CDH8: variants seen among roughly 807,000 people sequenced by gnomAD.
CDH8 encodes the protein cadherin-8.
CDH8 carries 17 observed loss-of-function variants against 68.1 expected under a neutral mutation model. The ratio of observed to expected loss-of-function variants is 0.25; its 90% confidence interval spans 0.17 to 0.37. The LOEUF is 0.37. Ranked by LOEUF, CDH8 falls within the 10% of genes least tolerant of loss-of-function variation. The pLI is 1.00. For synonymous variants in CDH8, 372 were observed against 365.1 expected (o/e 1.02, Z -0.21); for missense variants, 763 against 999.3 (o/e 0.76, Z 3.19).
intron 7 of CDH8, among the ~76,000 whole-genome samples, chr16:61,792,797 A>G (rs1359086578): frequency 6.6e-6 from 1 of 151,906 alleles, no homozygotes; most frequent in Non-Finnish European, 1.5e-5. Flanking sequence ...ACATGAGATG[A>G]TAGGTGTGCC....
At chr16:61,995,637 A>G (rs575642844) in intron 2 of CDH8, among the ~76,000 whole-genome samples, 3 of 152,286 alleles carry the variant, frequency 2.0e-5, no homozygotes, top group East Asian at 3.9e-4. Context: ...TTGGCCTCCC[A>G]AAGTGCTGGG....
At chr16:61,931,780 A>G (rs1179769794) in intron 2 of CDH8, among the ~76,000 whole-genome samples, 1 of 152,224 alleles carries the variant, frequency 6.6e-6, no homozygotes, top group Non-Finnish European at 1.5e-5. Flanking sequence ...TACCCTTAAA[A>G]CATCTATAAT....
intron 3 of CDH8, among the ~76,000 whole-genome samples, chr16:61,868,790 G>A (rs1051243983): frequency 1.3e-5 from 2 of 152,184 alleles, no homozygotes; most frequent in Non-Finnish European, 2.9e-5. Flanking sequence ...CATGCTTAGA[G>A]AGAGTTGTTT....
chr16:61,653,914 C>T lies in CDH8; in HGVS notation c.2094G>A (p.Lys698=), dbSNP rs866092600. 1.2e-6 allele frequency: 2 copies of T among 1,614,060 alleles called. No individual in the cohort carries two copies. Among genetic ancestry groups the T allele is most frequent in the Admixed American group, 1.7e-5 (1 of 59,996 alleles). The change falls in exon 12 of 12, where the codon AAG becomes AAA. Residue 698 remains lysine (K), a synonymous_variant. Coordinates refer to ENST00000577390, the MANE Select transcript of CDH8 (RefSeq NM_001796.5). ...PDGINGFLPR[K]DIKPDLQFMP... is the part of the protein sequence containing the mutation. ...TAAACTGCAAATCTGGTTTAATATC[C>T]TTACGGGGTAAAAATCCATTAATTC...
chr16:61,796,141 A>G (rs1347712944), intron 7 of CDH8, among the ~76,000 whole-genome samples: 1 of 152,038 alleles, frequency 6.6e-6, no homozygotes, highest in African/African-American at 2.4e-5. Flanking sequence ...AAGGGAATAG[A>G]TGGGAGAGAA....
rs1964011991 is a variant in CDH8, at chr16:61,681,530, A to G, written c.1655-25809T>C. On this transcript the variant is annotated intron_variant, in intron 10 of 11. Coordinates refer to ENST00000577390, the MANE Select transcript of CDH8 (RefSeq NM_001796.5). Reference sequence around the variant, plus strand: ...TGTCTGCAGCTCGTGGTGTAAACAGAAAGTGACTGAAAATGAGCAAGAAGG... The same window carrying G: ...TGTCTGCAGCTCGTGGTGTAAACAGGAAGTGACTGAAAATGAGCAAGAAGG... Among the ~76,000 whole-genome samples the G allele has an allele frequency of 5.3e-5, 8 of 151,668 alleles. No individual in the cohort carries two copies. The South Asian group carries it at 1.2e-3, about 24-fold the overall frequency.
chr16:61,972,571 G>GGGGGGTGTGT (rs369833002), intron 2 of CDH8, among the ~76,000 whole-genome samples: 102 of 131,552 alleles, frequency 7.8e-4, no homozygotes, highest in African/African-American at 2.6e-3. Flanking sequence ...ACACATTGTG[G>GGGGGGTGTGT]GTGTGTGTGT....
intron 8 of CDH8, among the ~76,000 whole-genome samples, chr16:61,762,895 C>T (rs1177190336): frequency 1.3e-5 from 2 of 152,108 alleles, no homozygotes; most frequent in South Asian, 2.1e-4. Flanking sequence ...AACAAGATCA[C>T]CAGGTAATTC....
intron 4 of CDH8, among the ~76,000 whole-genome samples, chr16:61,850,131 A>T (rs78605849): frequency 0.012 from 1,800 of 152,182 alleles, 34 homozygotes; most frequent in African/African-American, 0.041. Flanking sequence ...ATGGTTCTGC[A>T]AGCTCTACAA....
chr16:61,857,290 C>A lies in CDH8; in HGVS notation c.548-52G>T, dbSNP rs780488999. Reference sequence around the variant, plus strand: ...TAATAATTAACACATTGTCCTTTGCCAAGAGCTACATTTTGTCAAGTATTT... The same window carrying A: ...TAATAATTAACACATTGTCCTTTGCAAAGAGCTACATTTTGTCAAGTATTT... On this transcript the variant is annotated intron_variant, in intron 3 of 11. Transcript: ENST00000577390. 1.2e-5 allele frequency: 18 copies of A among 1,489,080 alleles called. No individual in the cohort carries two copies. The South Asian group carries it at 1.9e-4, about 15-fold the overall frequency. The allele number at this position is 1,489,080 out of a possible 1,614,324, so 92.2% of individuals were successfully genotyped here. A position where few individuals can be genotyped will look rare whatever the true frequency, so the allele number is the denominator to read the frequency against.
intron 8 of CDH8, among the ~76,000 whole-genome samples, chr16:61,783,814 G>C (rs1257531425): frequency 3.3e-5 from 5 of 152,156 alleles, no homozygotes; most frequent in Non-Finnish European, 7.3e-5. Flanking sequence ...TTTCAACCCA[G>C]AATTTCATGT....
chr16:61,653,786 T>C lies in CDH8; in HGVS notation c.2222A>G (p.Tyr741Cys). ...ATAGCCATATATCTGAATGGAGTCA[T>C]ATGGCGGGGCCGTGGGATCATTATC... ...EADNDPTAPP[Y>C]DSIQIYGYEG... The change falls in exon 12 of 12, where the codon TAT (tyrosine) becomes TGT (cysteine). Residue 741 changes from tyrosine (Y) to cysteine (C), a missense_variant. By Grantham distance (194) the Tyr-to-Cys change is radical. This residue lies in a region of CDH8 where 397 missense variants were observed against 436.2 expected (regional missense o/e 0.91). Transcript: ENST00000577390. The C allele has an allele frequency of 6.2e-7, 1 of 1,614,218 alleles. No homozygotes were observed. Among genetic ancestry groups the C allele is most frequent in the Non-Finnish European group, 8.5e-7 (1 of 1,180,046 alleles).
intron 3 of CDH8, among the ~76,000 whole-genome samples, chr16:61,886,335 T>A (rs1963672210): frequency 6.6e-6 from 1 of 152,198 alleles, no homozygotes; most frequent in Non-Finnish European, 1.5e-5. Flanking sequence ...ATATAAATAT[T>A]TGTTATCTTT....
intron 2 of CDH8, among the ~76,000 whole-genome samples, chr16:61,958,135 G>A (rs1334053997): frequency 6.6e-6 from 1 of 152,134 alleles, no homozygotes; most frequent in East Asian, 1.9e-4. Flanking sequence ...AAACCCTGTG[G>A]ATGATTAGCA....
chr16:61,673,940 C>T (rs979017650), intron 10 of CDH8, among the ~76,000 whole-genome samples: 3 of 152,092 alleles, frequency 2.0e-5, no homozygotes, highest in Non-Finnish European at 4.4e-5. Context: ...TACCAAGCTA[C>T]ACACATATAG....
chr16:61,724,268 T>C lies in CDH8; in HGVS notation c.1536+2826A>G, dbSNP rs187730609. On this transcript the variant is annotated intron_variant, in intron 9 of 11. Coordinates refer to ENST00000577390, the MANE Select transcript of CDH8 (RefSeq NM_001796.5). ...CTAGACCTATTTTAGCTCAGGTATA[T>C]CATGAACTGGAGATAACTGCCTAGA... 3.3e-5 allele frequency among the ~76,000 whole-genome samples: 5 copies of C among 150,880 alleles called. No homozygotes were observed. In the Admixed American group the frequency reaches 3.3e-4, roughly 10 times the overall value.
chr16:61,749,776 C>T (rs1423287638), intron 8 of CDH8, among the ~76,000 whole-genome samples: 1 of 152,056 alleles, frequency 6.6e-6, no homozygotes, highest in African/African-American at 2.4e-5. Context: ...GATCCTGATA[C>T]CTCTGTGTCT....
chr16:61,658,966 T>C (rs990373882), intron 10 of CDH8, among the ~76,000 whole-genome samples: 1 of 152,290 alleles, frequency 6.6e-6, no homozygotes, highest in East Asian at 1.9e-4. Context: ...TAGTTTATTG[T>C]GATAGTAAAC....
At chr16:61,851,501 T>C (rs1045204603) in intron 4 of CDH8, among the ~76,000 whole-genome samples, 1 of 152,086 alleles carries the variant, frequency 6.6e-6, no homozygotes, top group Non-Finnish European at 1.5e-5. Context: ...GCATTTTATT[T>C]AGATTTTCCA....
Sources: gnomAD v4.1 joint callset for allele counts (sites outside exome capture counted in the v4.1 genomes callset) on GRCh38, gnomAD v4.1.1 for gene constraint, gnomAD v4.1.1 regional missense constraint, MANE v1.5 for transcripts, NCBI Gene and HGNC (gene_info 2026-07-23, HGNC 2026-07-21) for gene names.